Variants in LUZP2 observed in about 807,000 individuals in gnomAD.
LUZP2 encodes leucine zipper protein 2.
Under a neutral mutation model 51.6 loss-of-function variants are expected in LUZP2, and 52 were observed. The observed-to-expected ratio is 1.01, with a 90% CI of 0.81 to 1.27. The LOEUF is 1.27. LUZP2 is among the 50% of genes most tolerant of loss of function. The probability of loss-of-function intolerance (pLI) is 0.00; values close to 1 mark genes in which losing one functional copy is unlikely to be tolerated. For synonymous variants in LUZP2, 154 were observed against 137.3 expected (o/e 1.12, Z -0.85); for missense variants, 436 against 395.4 (o/e 1.10, Z -0.87).
rs531788836 is a variant in LUZP2, at chr11:24,903,286, A to T, written c.397-2705A>T. 4.6e-5 allele frequency among the ~76,000 whole-genome samples: 7 copies of T among 152,352 alleles called. No homozygotes were observed. In the South Asian group the frequency reaches 1.4e-3, roughly 32 times the overall value. On this transcript the variant is annotated intron_variant, in intron 5 of 11. Transcript: ENST00000336930. The stretch of plus-strand genomic sequence containing the variant: ...TGCATGATCAGTGCAAATATTTGCA[A>T]AAATACATTACTTGAACAAATCAGA...
chr11:24,781,760 CAT>C (rs1356797250), intron 5 of LUZP2, among the ~76,000 whole-genome samples: 1 of 151,942 alleles, frequency 6.6e-6, no homozygotes, highest in Non-Finnish European at 1.5e-5. Context: ...CTAAAAACCA[CAT>C]GATTTAAATT....
At chr11:24,503,958 G>A (rs1850076915) in intron 1 of LUZP2, among the ~76,000 whole-genome samples, 1 of 152,138 alleles carries the variant, frequency 6.6e-6, no homozygotes. Context: ...ATAAGCAGTT[G>A]AACATCCTGT....
At chr11:24,894,080 T>C (rs2133763904) in intron 5 of LUZP2, among the ~76,000 whole-genome samples, 1 of 152,284 alleles carries the variant, frequency 6.6e-6, no homozygotes, top group East Asian at 1.9e-4. Flanking sequence ...GATCTAACAC[T>C]GAGTCTAGCA....
At position 24,589,329 on chromosome 11, in the gene LUZP2, G is replaced by T. The variant is rs531004013; in HGVS notation, c.62+92024G>T. On this transcript the variant is annotated intron_variant, in intron 1 of 11. Coordinates refer to ENST00000336930, the MANE Select transcript of LUZP2 (RefSeq NM_001009909.4). Reference sequence around the variant, plus strand: ...TACCTTGTTCCTACCTCACAAAGTGGCTGTGAGAATAAGTGATATGATGTG... The same window carrying T: ...TACCTTGTTCCTACCTCACAAAGTGTCTGTGAGAATAAGTGATATGATGTG... Among the ~76,000 whole-genome samples, 10 of 152,178 alleles carry T rather than the reference G, an allele frequency of 6.6e-5. No homozygotes were observed. In the South Asian group the frequency reaches 2.1e-3, roughly 32 times the overall value.
At chr11:25,067,108 G>A (rs568940055) in intron 10 of LUZP2, among the ~76,000 whole-genome samples, 1 of 152,058 alleles carries the variant, frequency 6.6e-6, no homozygotes, top group Admixed American at 6.6e-5. Flanking sequence ...TTTTGGGATG[G>A]GAAGTTAATT....
intron 9 of LUZP2, among the ~76,000 whole-genome samples, chr11:25,030,898 TATATATA>T (rs1389254501): frequency 1.4e-4 from 7 of 49,030 alleles, no homozygotes; most frequent in African/African-American, 9.8e-4. Flanking sequence ...ATATTATATA[TATATATA>T]ATATATATTG....
At chr11:24,987,628 A>G (rs1856226624) in intron 9 of LUZP2, among the ~76,000 whole-genome samples, 1 of 151,896 alleles carries the variant, frequency 6.6e-6, no homozygotes, top group Non-Finnish European at 1.5e-5. Flanking sequence ...TTTTGTTTAA[A>G]TGTGTTGTAA....
intron 1 of LUZP2, among the ~76,000 whole-genome samples, chr11:24,538,855 G>A (rs565022921): frequency 1.4e-4 from 21 of 151,758 alleles, no homozygotes; most frequent in African/African-American, 3.6e-4. Flanking sequence ...CACATTCAAA[G>A]GACATAACAA....
chr11:24,620,873 G>T (rs985124856), intron 1 of LUZP2, among the ~76,000 whole-genome samples: 2 of 152,198 alleles, frequency 1.3e-5, no homozygotes, highest in Non-Finnish European at 2.9e-5. Context: ...TTAATGTTCA[G>T]TGAGAACATA....
At chr11:24,578,394 A>G (rs77255773) in intron 1 of LUZP2, among the ~76,000 whole-genome samples, 2,018 of 152,224 alleles carry the variant, frequency 0.013, 28 homozygotes, top group Non-Finnish European at 0.019. Context: ...ATGTGAAAGT[A>G]TATTATTCAG....
intron 1 of LUZP2, among the ~76,000 whole-genome samples, chr11:24,582,723 T>G (rs1299073277): frequency 6.6e-6 from 1 of 152,146 alleles, no homozygotes; most frequent in Non-Finnish European, 1.5e-5. Flanking sequence ...AGAAGAAATG[T>G]GTGCCTGGTT....
intron 1 of LUZP2, among the ~76,000 whole-genome samples, chr11:24,640,901 A>C (rs1436008935): frequency 1.3e-5 from 2 of 151,462 alleles, no homozygotes; most frequent in African/African-American, 4.9e-5. Flanking sequence ...GTCCTAAGGA[A>C]AGGTGGTACT....
chr11:25,067,855 C>T (rs999398506), intron 10 of LUZP2, among the ~76,000 whole-genome samples: 2 of 152,022 alleles, frequency 1.3e-5, no homozygotes, highest in African/African-American at 2.4e-5. Flanking sequence ...ACTATAAAGA[C>T]ACATGCACAC....
intron 5 of LUZP2, among the ~76,000 whole-genome samples, chr11:24,830,438 G>A (rs189330577): frequency 6.6e-6 from 1 of 152,254 alleles, no homozygotes; most frequent in Admixed American, 6.5e-5. Flanking sequence ...TTGCCTGAAG[G>A]CCAAAAGCCA....
At chr11:24,721,668 T>G (rs1858275063) in intron 1 of LUZP2, among the ~76,000 whole-genome samples, 1 of 152,168 alleles carries the variant, frequency 6.6e-6, no homozygotes, top group Non-Finnish European at 1.5e-5. Context: ...TGTTATGATC[T>G]CTAAATAAAT....
chr11:24,623,382 C>G (rs1015541276), intron 1 of LUZP2, among the ~76,000 whole-genome samples: 2 of 152,108 alleles, frequency 1.3e-5, no homozygotes, highest in Admixed American at 6.5e-5. Flanking sequence ...TATGTTATCT[C>G]TTTTAAGTTT....
chr11:24,514,324 T>A (rs1850399402), intron 1 of LUZP2, among the ~76,000 whole-genome samples: 1 of 152,222 alleles, frequency 6.6e-6, no homozygotes, highest in African/African-American at 2.4e-5. Context: ...TCATCCATGG[T>A]GAAACTGAGA....
intron 1 of LUZP2, among the ~76,000 whole-genome samples, chr11:24,566,621 T>TACACACAC (rs201984448): frequency 7.3e-6 from 1 of 136,660 alleles, no homozygotes; most frequent in East Asian, 2.1e-4. Context: ...TATGTATAGA[T>TACACACAC]ATACACACAC....
chr11:24,733,948 A>G (rs945764872), intron 3 of LUZP2, among the ~76,000 whole-genome samples: 18 of 151,804 alleles, frequency 1.2e-4, no homozygotes, highest in Non-Finnish European at 1.9e-4. Flanking sequence ...ATAAATCTGT[A>G]TGTAAAGACA....
Sources: gnomAD v4.1 joint callset for allele counts (sites outside exome capture counted in the v4.1 genomes callset) on GRCh38, gnomAD v4.1.1 for gene constraint, MANE v1.5 for transcripts, NCBI Gene and HGNC (gene_info 2026-07-23, HGNC 2026-07-21) for gene names.